Variants in DPP6 observed in about 807,000 individuals in gnomAD.
DPP6 encodes dipeptidyl peptidase like 6.
DPP6 carries 69 observed loss-of-function variants against 122.6 expected under a neutral mutation model. The ratio of observed to expected loss-of-function variants is 0.56; its 90% CI spans 0.46 to 0.69. DPP6 has a LOEUF of 0.69. DPP6 is among the 30% of genes least tolerant of loss of function. The pLI is 0.00. For missense variants in DPP6, 928 were observed against 1,116.9 expected (o/e 0.83, Z 2.41); for synonymous variants, 418 against 433.1 (o/e 0.97, Z 0.43).
At chr7:153,983,510 G>T (rs1796695723) in intron 1 of DPP6, among the ~76,000 whole-genome samples, 1 of 152,230 alleles carries the variant, frequency 6.6e-6, no homozygotes, top group African/African-American at 2.4e-5. Flanking sequence ...CGCTGAGCAA[G>T]ACCACTTGGC....
chr7:154,880,885 C>T lies in DPP6; in HGVS notation c.2079-3C>T. 6.2e-7 allele frequency: 1 copy of T among 1,614,010 alleles called. No individual in the cohort carries two copies. The highest frequency in any genetic ancestry group is 1.1e-5 in the South Asian group (1 of 91,080). ...ACCCTCTTTCCCCTCCTCGACCTCACAGGACGATGCTGAAGGAGCAGTACA... is the reference window on the plus strand; with the variant it reads ...ACCCTCTTTCCCCTCCTCGACCTCATAGGACGATGCTGAAGGAGCAGTACA... On this transcript the variant is annotated splice_polypyrimidine_tract_variant and splice_region_variant and intron_variant, in intron 20 of 25. Coordinates refer to ENST00000377770, the MANE Select transcript of DPP6 (RefSeq NM_130797.4).
chr7:154,350,007 TCTTAA>T (rs1289235633), intron 1 of DPP6, among the ~76,000 whole-genome samples: 2 of 152,194 alleles, frequency 1.3e-5, no homozygotes, highest in Admixed American at 6.5e-5. Flanking sequence ...TGGCCTTGTC[TCTTAA>T]CTTAGGAGGA....
intron 1 of DPP6, among the ~76,000 whole-genome samples, chr7:154,304,793 T>A (rs1563442770): frequency 6.6e-6 from 1 of 152,090 alleles, no homozygotes; most frequent in Non-Finnish European, 1.5e-5. Flanking sequence ...CAGACCCCCT[T>A]CCTTCTCAAA....
At chr7:154,583,700 C>T (rs994863273) in intron 5 of DPP6, among the ~76,000 whole-genome samples, 1 of 152,142 alleles carries the variant, frequency 6.6e-6, no homozygotes, top group African/African-American at 2.4e-5. Context: ...ATGATTCGTG[C>T]GCACACTGCT....
chr7:154,096,085 C>T (rs1805303128), intron 1 of DPP6: 1 of 94,774 alleles, frequency 1.1e-5, no homozygotes, highest in Non-Finnish European at 2.1e-5. Flanking sequence ...CCCTGTTGCC[C>T]AGGTTATAGC....
At chr7:154,484,495 G>A (rs1823617807) in intron 3 of DPP6, among the ~76,000 whole-genome samples, 1 of 152,214 alleles carries the variant, frequency 6.6e-6, no homozygotes, top group East Asian at 1.9e-4. Flanking sequence ...TCTCCTCCCA[G>A]TATCTCTTGG....
At chr7:154,857,206 A>T (rs946068022) in intron 17 of DPP6, among the ~76,000 whole-genome samples, 1 of 152,108 alleles carries the variant, frequency 6.6e-6, no homozygotes, top group African/African-American at 2.4e-5. Flanking sequence ...GGTTGAGTTG[A>T]TTGTCGTTCC....
At chr7:154,807,778 C>A (rs1798792164) in intron 16 of DPP6, among the ~76,000 whole-genome samples, 1 of 152,074 alleles carries the variant, frequency 6.6e-6, no homozygotes. Flanking sequence ...GCTGAGATCG[C>A]ACCACTACAC....
In DPP6 at chr7:154,184,682, G is replaced by GA. The variant is rs11317493; in HGVS notation, c.243+131633dup. On this transcript the variant is annotated intron_variant, in intron 1 of 25. Coordinates refer to ENST00000377770, the MANE Select transcript of DPP6 (RefSeq NM_130797.4). ...ACAAAAAGAAAAAGTTTAATTTCTG[G>GA]AAAAAAAAAAAAAAGTAGCTGACCT... Among the ~76,000 whole-genome samples, 873 of 139,740 alleles carry GA rather than the reference G, an allele frequency of 6.2e-3. 2 individuals carry two copies. The highest frequency in any genetic ancestry group is 0.013 in the African/African-American group (520 of 38,590). 91.7% of individuals were successfully genotyped at this position (139,740 alleles called of 152,430 possible).
intron 6 of DPP6, among the ~76,000 whole-genome samples, chr7:154,663,560 T>C (rs1410191173): frequency 3.4e-3 from 86 of 25,184 alleles, no homozygotes; most frequent in Non-Finnish European, 4.4e-3. Context: ...ATCACCATGG[T>C]GTGTTGGCCC....
chr7:153,796,647 G>A, the DPP6 span, among the ~76,000 whole-genome samples: 1 of 152,132 alleles, frequency 6.6e-6, no homozygotes, highest in Non-Finnish European at 1.5e-5. Flanking sequence ...GTGGCACAAA[G>A]GCCACATGTT....
intron 8 of DPP6, among the ~76,000 whole-genome samples, chr7:154,746,909 A>C (rs1161375225): frequency 6.6e-6 from 1 of 152,174 alleles, no homozygotes; most frequent in African/African-American, 2.4e-5. Context: ...CTCTTCTCTA[A>C]CTCAAGTATA....
chr7:154,496,568 CA>C (rs1824757567), intron 3 of DPP6, among the ~76,000 whole-genome samples: 1 of 152,224 alleles, frequency 6.6e-6, no homozygotes, highest in African/African-American at 2.4e-5. Context: ...ACAAGAAAGT[CA>C]AGCTCCTTTG....
intron 10 of DPP6, among the ~76,000 whole-genome samples, chr7:154,779,886 T>C (rs539920915): frequency 2.0e-5 from 3 of 152,338 alleles, no homozygotes; most frequent in African/African-American, 7.2e-5. Context: ...TCTGGGAAGA[T>C]ATATTATTTT....
At chr7:154,841,247 G>A (rs1055960805) in intron 16 of DPP6, among the ~76,000 whole-genome samples, 2 of 152,136 alleles carry the variant, frequency 1.3e-5, no homozygotes, top group African/African-American at 2.4e-5. Context: ...CGGGGCGAAC[G>A]AAACAGCCAG....
At chr7:154,088,372 G>A (rs995441017) in intron 1 of DPP6, among the ~76,000 whole-genome samples, 1 of 146,856 alleles carries the variant, frequency 6.8e-6, no homozygotes, top group African/African-American at 2.6e-5. Context: ...CTGAGACACT[G>A]GTGGCTTTCT....
At chr7:154,695,903 G>A (rs1369768255) in intron 7 of DPP6, among the ~76,000 whole-genome samples, 3 of 152,272 alleles carry the variant, frequency 2.0e-5, no homozygotes, top group South Asian at 2.1e-4. Flanking sequence ...TCAAACAAGC[G>A]GACCGTGCTG....
chr7:153,778,572 A>G, the DPP6 span, among the ~76,000 whole-genome samples: 3 of 149,566 alleles, frequency 2.0e-5, no homozygotes, highest in Non-Finnish European at 4.4e-5. Flanking sequence ...ATGATACTCA[A>G]CCATGTCTAC....
At chr7:154,124,798 C>G (rs1810663919) in intron 1 of DPP6, among the ~76,000 whole-genome samples, 1 of 152,158 alleles carries the variant, frequency 6.6e-6, no homozygotes, top group South Asian at 2.1e-4. Context: ...ACTGGGAGAT[C>G]CGTGAGATGC....
Sources: allele counts gnomAD v4.1 joint callset (sites outside exome capture counted in the v4.1 genomes callset), GRCh38; gene constraint gnomAD v4.1.1; transcripts MANE v1.5; gene names NCBI Gene and HGNC (gene_info 2026-07-23, HGNC 2026-07-21).